Variants in ASXL2 observed in about 807,000 individuals in gnomAD.
The protein encoded by ASXL2 is putative Polycomb group protein ASXL2.
Under a neutral mutation model 122.0 loss-of-function variants are expected in ASXL2, and 23 were observed. That is an observed-to-expected ratio of 0.19 (90% CI 0.14 to 0.27). The LOEUF is 0.27. ASXL2 is among the 10% of genes least tolerant of loss of function. The pLI, the probability that ASXL2 is intolerant of heterozygous loss-of-function variation, is 1.00. For missense variants in ASXL2, 1,518 were observed against 1,713.8 expected (o/e 0.89, Z 2.02); for synonymous variants, 650 against 637.0 (o/e 1.02, Z -0.31).
chr2:25,806,711 A>G (rs998290872), intron 3 of ASXL2, among the ~76,000 whole-genome samples: 21 of 152,338 alleles, frequency 1.4e-4, no homozygotes, highest in African/African-American at 4.8e-4. Context: ...AACAGTAATA[A>G]TTCCATTGTA....
chr2:25,764,814 C>T (rs1180078589), intron 8 of ASXL2, among the ~76,000 whole-genome samples: 1 of 152,140 alleles, frequency 6.6e-6, no homozygotes, highest in Non-Finnish European at 1.5e-5. Context: ...ACCTGCACAT[C>T]GCAGTCAAAC....
intron 9 of ASXL2, among the ~76,000 whole-genome samples, chr2:25,756,848 C>A (rs532600072): frequency 6.6e-6 from 1 of 152,288 alleles, no homozygotes; most frequent in South Asian, 2.1e-4. Context: ...GCCTAGTGGG[C>A]TGTAGTTTGC....
chr2:25,742,338 G>A lies in ASXL2; in HGVS notation c.3999C>T (p.Val1333=), dbSNP rs376210436. The change falls in exon 13 of 13, where the codon GTC becomes GTT. Residue 1333 remains valine (V), a synonymous_variant. Coordinates refer to ENST00000435504, the MANE Select transcript of ASXL2 (RefSeq NM_018263.6). ...IGPSYRGMIN[V]STSSDMDHNS... The stretch of plus-strand genomic sequence containing the variant: ...TATGGTCCATGTCAGATGAGGTGGA[G>A]ACATTGATCATGCCTCTATAGCTTG... 9 of 1,594,630 alleles carry A rather than the reference G, an allele frequency of 5.6e-6. No individual in the cohort carries two copies. In the African/African-American group the frequency reaches 9.7e-5, roughly 17 times the overall value.
At chr2:25,804,283 C>G (rs56397444) in intron 4 of ASXL2, among the ~76,000 whole-genome samples, 42,004 of 152,166 alleles carry the variant, frequency 0.28, 6,099 homozygotes, top group African/African-American at 0.32. Context: ...AGCATTCATT[C>G]CCCTTCAGCT....
At chr2:25,814,708 C>A (rs1010411495) in intron 3 of ASXL2, among the ~76,000 whole-genome samples, 4 of 152,140 alleles carry the variant, frequency 2.6e-5, no homozygotes, top group African/African-American at 4.8e-5. Context: ...TTGCCAATGG[C>A]CCTTTTTAGT....
intron 3 of ASXL2, among the ~76,000 whole-genome samples, chr2:25,812,430 A>T (rs2089183951): frequency 6.6e-6 from 1 of 152,132 alleles, no homozygotes; most frequent in Non-Finnish European, 1.5e-5. Context: ...ATTGCACTCC[A>T]GCCTGGGCAA....
chr2:25,801,392 GC>G (rs1402126154), intron 4 of ASXL2, among the ~76,000 whole-genome samples: 2 of 152,102 alleles, frequency 1.3e-5, no homozygotes, highest in Non-Finnish European at 2.9e-5. Context: ...TGACATTATA[GC>G]CAAGACTATA....
At chr2:25,876,965 G>A (rs767728293) in intron 1 of ASXL2, among the ~76,000 whole-genome samples, 10 of 152,066 alleles carry the variant, frequency 6.6e-5, no homozygotes, top group Non-Finnish European at 8.8e-5. Context: ...GAGACTAGAC[G>A]GTAATATACC....
intron 1 of ASXL2, chr2:25,856,834 C>A (rs970103566): frequency 1.0e-6 from 1 of 991,488 alleles, no homozygotes; most frequent in Non-Finnish European, 1.6e-6. Context: ...ATCTGGATGT[C>A]CACCCCTGAG....
intron 3 of ASXL2, among the ~76,000 whole-genome samples, chr2:25,819,261 C>T (rs1174400619): frequency 1.3e-5 from 2 of 152,182 alleles, no homozygotes; most frequent in African/African-American, 2.4e-5. Context: ...AATAAATGCA[C>T]TGTTTTAAGC....
chr2:25,762,665 GAAAAAAAAAAAAAA>G lies in ASXL2; in HGVS notation c.776-3034_776-3021del, dbSNP rs60065368. ...GGGTGACAGAGCGAGACTCTTTCTCGAAAAAAAAAAAAAAAAAAAAAAAAGAATAAGAAGGAAAC... is the reference window on the plus strand; with the variant it reads ...GGGTGACAGAGCGAGACTCTTTCTCGAAAAAAAAAAGAATAAGAAGGAAAC... On this transcript the variant is annotated intron_variant, in intron 8 of 12. Transcript: ENST00000435504. 6.7e-3 allele frequency among the ~76,000 whole-genome samples: 228 copies of G among 34,276 alleles called. 2 individuals carry two copies. The highest frequency in any genetic ancestry group is 0.032 in the African/African-American group (219 of 6,754). 22.5% of individuals were successfully genotyped at this position (34,276 alleles called of 152,430 possible). A position where few individuals can be genotyped will look rare whatever the true frequency, so the allele number is the denominator to read the frequency against.
At chr2:25,859,141 A>C (rs1318071377) in intron 1 of ASXL2, among the ~76,000 whole-genome samples, 4 of 150,314 alleles carry the variant, frequency 2.7e-5, no homozygotes, top group South Asian at 2.1e-4. Context: ...GGGTTTTGCT[A>C]TGTTGCCCAG....
At chr2:25,771,329 C>T in intron 6 of ASXL2, 111 bp downstream of exon 6, 1 of 886,004 alleles carries the variant, frequency 1.1e-6, no homozygotes, top group South Asian at 2.0e-5. Context: ...GAAAGTTCCA[C>T]TGGCAAGGGC....
chr2:25,741,377 T>C lies in ASXL2; in HGVS notation c.*652A>G, dbSNP rs2033173. On this transcript the variant is annotated 3_prime_UTR_variant, in exon 13 of 13. Coordinates refer to ENST00000435504, the MANE Select transcript of ASXL2 (RefSeq NM_018263.6). ...GGCAACAGTACCAGTAACTAGTAAC[T>C]AGTACAGTAGAAGCCAAGAACCAAG... The C allele has an allele frequency of 5.0e-3, 1,109 of 223,436 alleles. 4 individuals carry two copies. The highest frequency in any genetic ancestry group is 7.8e-3 in the Non-Finnish European group (874 of 112,074). 13.8% of individuals were successfully genotyped at this position (223,436 alleles called of 1,614,324 possible). A position where few individuals can be genotyped will look rare whatever the true frequency, so the allele number is the denominator to read the frequency against.
At position 25,744,787 on chromosome 2, in the gene ASXL2, T is replaced by C. The variant is rs1290785178; in HGVS notation, c.1861-311A>G. 6.6e-6 allele frequency among the ~76,000 whole-genome samples: 1 copy of C among 152,148 alleles called. No homozygotes were observed. Among genetic ancestry groups the C allele is most frequent in the Non-Finnish European group, 1.5e-5 (1 of 68,022 alleles). Reference sequence around the variant, plus strand: ...TACAAGTGCTTATTATGATACAAAGTTTTCTATGGTATTTGCATTTTTAAA... The same window carrying C: ...TACAAGTGCTTATTATGATACAAAGCTTTCTATGGTATTTGCATTTTTAAA... On this transcript the variant is annotated intron_variant, in intron 12 of 12. Transcript: ENST00000435504. This position sits in a 1 kb window ranked among gnomAD's most constrained non-coding sequence, Gnocchi z 4.7.
chr2:25,848,327 T>C (rs1233659200), intron 1 of ASXL2, among the ~76,000 whole-genome samples: 1 of 152,186 alleles, frequency 6.6e-6, no homozygotes, highest in Non-Finnish European at 1.5e-5. Context: ...GTTAAGCTAT[T>C]AGAAGTGGAG....
chr2:25,767,783 A>G, intron 7 of ASXL2, 57 bp from the exon 8 acceptor site: 2 of 1,576,064 alleles, frequency 1.3e-6, no homozygotes, highest in South Asian at 2.2e-5. Context: ...GACAGAATCA[A>G]TTAATCAATC....
At chr2:25,837,268 G>T (rs2149189313) in intron 2 of ASXL2, among the ~76,000 whole-genome samples, 1 of 152,286 alleles carries the variant, frequency 6.6e-6, no homozygotes, top group African/African-American at 2.4e-5. Context: ...TTACAGTAAA[G>T]AATTAATAGG....
At chr2:25,859,907 C>T (rs538786484) in intron 1 of ASXL2, among the ~76,000 whole-genome samples, 23 of 152,082 alleles carry the variant, frequency 1.5e-4, no homozygotes, top group Admixed American at 2.0e-4. Context: ...AATATTTTGC[C>T]GGGCACAGCG....
Sources: gnomAD v4.1 joint callset for allele counts (sites outside exome capture counted in the v4.1 genomes callset) on GRCh38, gnomAD v4.1.1 for gene constraint, Gnocchi (gnomAD v3.1) non-coding constraint, MANE v1.5 for transcripts, NCBI Gene and HGNC (gene_info 2026-07-23, HGNC 2026-07-21) for gene names.